Variants in ASAP1 observed in about 807,000 individuals in gnomAD.
ASAP1 encodes the protein ArfGAP with SH3 domain, ankyrin repeat and PH domain 1.
In ASAP1, 43 loss-of-function variants were observed where a neutral mutation model predicts 145.2. That is an observed-to-expected ratio of 0.30 (90% CI 0.23 to 0.38). The LOEUF is 0.38. Among genes scored for constraint, ASAP1 ranks in the 10% least tolerant of loss-of-function variants. The pLI is 1.00. For synonymous variants in ASAP1, 546 were observed against 515.5 expected (o/e 1.06, Z -0.80); for missense variants, 1,018 against 1,355.3 (o/e 0.75, Z 3.91).
intron 26 of ASAP1, among the ~76,000 whole-genome samples, chr8:130,077,427 G>A (rs1267306207): frequency 1.3e-5 from 2 of 151,826 alleles, no homozygotes; most frequent in African/African-American, 4.8e-5. Context: ...GCATGCCTGA[G>A]AAGCAGCAGT....
intron 3 of ASAP1, among the ~76,000 whole-genome samples, chr8:130,319,728 A>G (rs780531425): frequency 6.6e-6 from 1 of 152,214 alleles, no homozygotes; most frequent in Non-Finnish European, 1.5e-5. Flanking sequence ...GGAGGGATGG[A>G]AAAACCAACA....
intron 5 of ASAP1, among the ~76,000 whole-genome samples, chr8:130,211,504 C>T (rs1011187856): frequency 1.3e-5 from 2 of 152,086 alleles, no homozygotes; most frequent in African/African-American, 4.8e-5. Flanking sequence ...TTTTTAAGAC[C>T]ACTGCCCCAG....
At chr8:130,341,978 C>T (rs1323672296) in intron 3 of ASAP1, among the ~76,000 whole-genome samples, 4 of 152,166 alleles carry the variant, frequency 2.6e-5, no homozygotes. Context: ...ATGCCCAACA[C>T]CTAAAACTAA....
At chr8:130,194,125 T>C (rs1235893777) in intron 5 of ASAP1, among the ~76,000 whole-genome samples, 3 of 152,120 alleles carry the variant, frequency 2.0e-5, no homozygotes, top group East Asian at 1.9e-4. Flanking sequence ...ACGCAAAACA[T>C]GTTATTATGA....
chr8:130,358,831 G>A lies in ASAP1; in HGVS notation c.60-688C>T, dbSNP rs1223009036. ...CCGACCCCGGCTGCGCGGCACGGGGGCTCCGGAAGCCCGAGTCCCTGGTTC... is the reference window on the plus strand; with the variant it reads ...CCGACCCCGGCTGCGCGGCACGGGGACTCCGGAAGCCCGAGTCCCTGGTTC... On this transcript the variant is annotated intron_variant, in intron 2 of 29. Transcript: ENST00000518721. This position sits in a 1 kb window ranked among gnomAD's most constrained non-coding sequence, Gnocchi z 4.1. Among the ~76,000 whole-genome samples, 3 of 151,560 alleles carry A rather than the reference G, an allele frequency of 2.0e-5. No individual in the cohort carries two copies. The highest frequency in any genetic ancestry group is 4.4e-5 in the Non-Finnish European group (3 of 67,812).
chr8:130,171,682 C>T (rs940328299), intron 9 of ASAP1, among the ~76,000 whole-genome samples: 1 of 152,226 alleles, frequency 6.6e-6, no homozygotes, highest in East Asian at 1.9e-4. Flanking sequence ...CTCAGCTCGG[C>T]TGCTACCCCA....
At chr8:130,179,674 A>G (rs919980477) in intron 8 of ASAP1, among the ~76,000 whole-genome samples, 9 of 152,192 alleles carry the variant, frequency 5.9e-5, no homozygotes, top group Non-Finnish European at 8.8e-5. Flanking sequence ...GGAAAGATTG[A>G]TTGTTTTTTG....
At chr8:130,101,731 A>AGTTTTTTTTTTTTTTTTTTTTTTTTTTT (rs2097529080) in intron 24 of ASAP1, among the ~76,000 whole-genome samples, 1 of 39,634 alleles carries the variant, frequency 2.5e-5, no homozygotes, top group African/African-American at 1.5e-4. Flanking sequence ...ACACCTGGTT[A>AGTTTTTTTTTTTTTTTTTTTTTTTTTTT]ATTTTTTTTT....
intron 3 of ASAP1, among the ~76,000 whole-genome samples, chr8:130,329,903 AT>A (rs1431562541): frequency 1.3e-5 from 2 of 152,222 alleles, no homozygotes; most frequent in Non-Finnish European, 2.9e-5. Flanking sequence ...ATTTACTCAA[AT>A]AATTTTCTAG....
At chr8:130,154,865 C>A (rs1420649180) in intron 12 of ASAP1, among the ~76,000 whole-genome samples, 1 of 152,150 alleles carries the variant, frequency 6.6e-6, no homozygotes, top group Non-Finnish European at 1.5e-5. Context: ...CAAATAAGAG[C>A]TAAATCACAT....
At chr8:130,396,026 C>G (rs141887955) in intron 2 of ASAP1, among the ~76,000 whole-genome samples, 1,558 of 152,246 alleles carry the variant, frequency 0.01, 17 homozygotes, top group Non-Finnish European at 0.015. Flanking sequence ...CCCTAGGAAA[C>G]TAATGGAACA....
intron 4 of ASAP1, among the ~76,000 whole-genome samples, chr8:130,219,143 T>C (rs1817129373): frequency 6.6e-6 from 1 of 151,124 alleles, no homozygotes; most frequent in Non-Finnish European, 1.5e-5. Flanking sequence ...CTACTTACAA[T>C]ACAGAGCGAT....
At chr8:130,093,154 G>T (rs1418150802) in intron 24 of ASAP1, among the ~76,000 whole-genome samples, 1 of 152,052 alleles carries the variant, frequency 6.6e-6, no homozygotes, top group African/African-American at 2.4e-5. Flanking sequence ...AAGACAGCAG[G>T]AATGATAGTA....
At chr8:130,338,131 T>G (rs778062728) in intron 3 of ASAP1, among the ~76,000 whole-genome samples, 23 of 152,168 alleles carry the variant, frequency 1.5e-4, no homozygotes, top group Admixed American at 7.2e-4. Flanking sequence ...ATGCATTCGT[T>G]CACCTCACCC....
chr8:130,359,415 C>T (rs542890039), intron 2 of ASAP1, among the ~76,000 whole-genome samples: 1 of 151,790 alleles, frequency 6.6e-6, no homozygotes, highest in South Asian at 2.1e-4. Flanking sequence ...TCACCATTCG[C>T]TGAGTATGAA....
At chr8:130,304,498 T>A (rs1426840875) in intron 3 of ASAP1, among the ~76,000 whole-genome samples, 1 of 152,208 alleles carries the variant, frequency 6.6e-6, no homozygotes, top group Non-Finnish European at 1.5e-5. Context: ...TAGCAGAGGC[T>A]CAAAGCCAAC....
intron 3 of ASAP1, among the ~76,000 whole-genome samples, chr8:130,354,213 T>C (rs1378913955): frequency 6.6e-6 from 1 of 152,136 alleles, no homozygotes; most frequent in Non-Finnish European, 1.5e-5. Flanking sequence ...TTAAATTCCA[T>C]TTTATTTACT....
At chr8:130,176,675 T>C (rs1309713412) in intron 9 of ASAP1, among the ~76,000 whole-genome samples, 2 of 146,808 alleles carry the variant, frequency 1.4e-5, no homozygotes, top group East Asian at 2.1e-4. Flanking sequence ...CCTGGTCAGA[T>C]GTCTCTCTTC....
rs1306348991 is a variant in ASAP1 at position 130,204,638 on chromosome 8, C to T, written c.405+9918G>A. Among the ~76,000 whole-genome samples, 4 of 152,268 alleles carry T rather than the reference C, an allele frequency of 2.6e-5. No individual in the cohort carries two copies. The East Asian group carries it at 7.7e-4, about 29-fold the overall frequency. ...AGTTCAAACCAATGAACTACAACAC[C>T]TAGGAAAGCTGTGAAAAGTATGCAT... On this transcript the variant is annotated intron_variant, in intron 5 of 29. Coordinates refer to ENST00000518721, the MANE Select transcript of ASAP1 (RefSeq NM_018482.4).
Sources: gnomAD v4.1 joint callset for allele counts (sites outside exome capture counted in the v4.1 genomes callset) on GRCh38, gnomAD v4.1.1 for gene constraint, Gnocchi (gnomAD v3.1) non-coding constraint, MANE v1.5 for transcripts, NCBI Gene and HGNC (gene_info 2026-07-23, HGNC 2026-07-21) for gene names.